DOCK2: variants seen among roughly 807,000 people sequenced by gnomAD.
The protein encoded by DOCK2 is dedicator of cytokinesis 2, also known as dedicator of cytokinesis protein 2.
A neutral mutation model predicts 248.9 loss-of-function variants in DOCK2; 87 were observed. The observed-to-expected ratio is 0.35, with a 90% confidence interval of 0.29 to 0.42. The LOEUF (loss-of-function observed/expected upper bound fraction) is 0.42, where lower values mean the gene tolerates loss of function less well. Among genes scored for constraint, DOCK2 ranks in the 10% least tolerant of loss-of-function variants. The pLI is 1.00. For missense variants in DOCK2, 1,747 were observed against 2,300.2 expected (o/e 0.76, Z 4.92); for synonymous variants, 805 against 821.6 (o/e 0.98, Z 0.35).
At chr5:170,007,371 C>T (rs979558423) in intron 30 of DOCK2, among the ~76,000 whole-genome samples, 2 of 152,204 alleles carry the variant, frequency 1.3e-5, no homozygotes, top group Non-Finnish European at 2.9e-5. Context: ...CACCAAAACC[C>T]TAGGCTGTAT....
At chr5:169,769,768 G>A (rs1325410960) in intron 25 of DOCK2, among the ~76,000 whole-genome samples, 1 of 152,216 alleles carries the variant, frequency 6.6e-6, no homozygotes, top group African/African-American at 2.4e-5. Flanking sequence ...AGGAGGGAAA[G>A]GAAAGCAGTG....
At chr5:169,728,786 C>A (rs1581105533) in intron 22 of DOCK2, among the ~76,000 whole-genome samples, 1 of 151,402 alleles carries the variant, frequency 6.6e-6, no homozygotes, top group Non-Finnish European at 1.5e-5. Context: ...TGACTTCCCC[C>A]ATCCATCCTT....
chr5:169,720,509 G>A (rs954714451), intron 22 of DOCK2, among the ~76,000 whole-genome samples: 2 of 149,346 alleles, frequency 1.3e-5, no homozygotes, highest in African/African-American at 5.0e-5. Context: ...TTCAAGGATT[G>A]AGCTTCTTTA....
At chr5:170,055,020 T>C (rs1211943367) in intron 41 of DOCK2, among the ~76,000 whole-genome samples, 1 of 152,222 alleles carries the variant, frequency 6.6e-6, no homozygotes, top group Non-Finnish European at 1.5e-5. Flanking sequence ...TTCAATAGTA[T>C]TATTATTAAT....
intron 40 of DOCK2, among the ~76,000 whole-genome samples, chr5:170,049,720 G>A (rs889608013): frequency 3.3e-5 from 5 of 152,182 alleles, no homozygotes; most frequent in South Asian, 2.1e-4. Flanking sequence ...ACCAAAAAAC[G>A]TTTCCAGATA....
intron 27 of DOCK2, chr5:169,884,053 G>T (rs975381115): frequency 1.8e-6 from 1 of 565,876 alleles, no homozygotes; most frequent in Non-Finnish European, 2.9e-6. Flanking sequence ...AATCCTGTTG[G>T]CCATTCCCAG....
chr5:169,799,603 C>T (rs996120199), intron 25 of DOCK2, among the ~76,000 whole-genome samples: 1 of 152,164 alleles, frequency 6.6e-6, no homozygotes, highest in African/African-American at 2.4e-5. Context: ...TATTGTAAGA[C>T]ATTTTTTTAC....
chr5:169,774,240 G>GGCA (rs1338278046), intron 25 of DOCK2, among the ~76,000 whole-genome samples: 2 of 152,104 alleles, frequency 1.3e-5, no homozygotes, highest in Admixed American at 6.6e-5. Flanking sequence ...CTAAAACTGT[G>GGCA]GCAGCACTGT....
At chr5:169,911,820 A>G (rs1018836162) in intron 27 of DOCK2, among the ~76,000 whole-genome samples, 3 of 152,236 alleles carry the variant, frequency 2.0e-5, no homozygotes, top group Non-Finnish European at 4.4e-5. Flanking sequence ...CGGAAAGCCT[A>G]GATGCCAGGA....
chr5:169,920,532 C>G (rs1581418269), intron 27 of DOCK2, among the ~76,000 whole-genome samples: 1 of 152,130 alleles, frequency 6.6e-6, no homozygotes, highest in Non-Finnish European at 1.5e-5. Context: ...CGAGATCTCA[C>G]CATTCACACC....
At chr5:169,996,393 C>T (rs1279212507) in intron 30 of DOCK2, among the ~76,000 whole-genome samples, 1 of 152,156 alleles carries the variant, frequency 6.6e-6, no homozygotes, top group East Asian at 1.9e-4. Flanking sequence ...GTATAATGGC[C>T]TCTTATATTA....
rs577548963 is a variant in DOCK2 at position 169,797,113 on chromosome 5, A to C, written c.2555-5945A>C. 3.9e-5 allele frequency among the ~76,000 whole-genome samples: 6 copies of C among 152,350 alleles called. No individual in the cohort carries two copies. The South Asian group carries it at 1.2e-3, about 32-fold the overall frequency. On this transcript the variant is annotated intron_variant, in intron 25 of 51. Transcript: ENST00000520908. ...TAACTTCATGATGGATTAGATGCTG[A>C]TGTAAAGAGAAGAACTGAAAGATGA...
chr5:169,914,143 A>C (rs1428658957), intron 27 of DOCK2, among the ~76,000 whole-genome samples: 5 of 152,062 alleles, frequency 3.3e-5, no homozygotes, highest in Non-Finnish European at 7.4e-5. Context: ...CCTGAAGACA[A>C]CCCTTCAAAG....
At chr5:169,909,184 G>A (rs184882903) in intron 27 of DOCK2, among the ~76,000 whole-genome samples, 3 of 152,286 alleles carry the variant, frequency 2.0e-5, no homozygotes, top group East Asian at 3.9e-4. Context: ...ATGATGTGCT[G>A]TCCAGTATGG....
chr5:169,781,311 A>G (rs1317702898), intron 25 of DOCK2, among the ~76,000 whole-genome samples: 1 of 152,266 alleles, frequency 6.6e-6, no homozygotes, highest in Non-Finnish European at 1.5e-5. Flanking sequence ...ACAACATTGA[A>G]TGAAACGATG....
At chr5:170,036,962 G>A (rs1018251250) in intron 36 of DOCK2, among the ~76,000 whole-genome samples, 1 of 152,134 alleles carries the variant, frequency 6.6e-6, no homozygotes, top group Non-Finnish European at 1.5e-5. Flanking sequence ...TAAGATGCAT[G>A]ATATCTGCAT....
At chr5:169,705,864 A>C (rs759014910) in intron 14 of DOCK2, among the ~76,000 whole-genome samples, 1 of 152,218 alleles carries the variant, frequency 6.6e-6, no homozygotes, top group Non-Finnish European at 1.5e-5. Flanking sequence ...CCAACATGAA[A>C]GCCTCCAGGC....
At chr5:169,938,363 A>G (rs1345857830) in intron 27 of DOCK2, among the ~76,000 whole-genome samples, 4 of 152,184 alleles carry the variant, frequency 2.6e-5, no homozygotes, top group Non-Finnish European at 5.9e-5. Flanking sequence ...TGTGAACATC[A>G]GAGTGTACTC....
intron 35 of DOCK2, among the ~76,000 whole-genome samples, chr5:170,034,945 A>T (rs1404166811): frequency 6.6e-6 from 1 of 152,196 alleles, no homozygotes; most frequent in Non-Finnish European, 1.5e-5. Flanking sequence ...TAGTTTGCTT[A>T]TCTATTACAT....
Sources: gnomAD v4.1 joint callset for allele counts (sites outside exome capture counted in the v4.1 genomes callset) on GRCh38, gnomAD v4.1.1 for gene constraint, MANE v1.5 for transcripts, NCBI Gene and HGNC (gene_info 2026-07-23, HGNC 2026-07-21) for gene names.